ARGLU1: variants seen among roughly 807,000 people sequenced by gnomAD.
ARGLU1 encodes arginine and glutamate-rich protein 1.
A neutral mutation model predicts 37.6 loss-of-function variants in ARGLU1; 9 were observed. The ratio of observed to expected loss-of-function variants is 0.24; its 90% CI spans 0.14 to 0.42. ARGLU1 has a LOEUF of 0.42. Ranked by LOEUF, ARGLU1 falls within the 10% of genes least tolerant of loss-of-function variation. The pLI is 1.00. For synonymous variants in ARGLU1, 166 were observed against 138.5 expected (o/e 1.20, Z -1.39); for missense variants, 211 against 359.2 (o/e 0.59, Z 3.34).
chr13:106,544,222 G>A, intron 3 of ARGLU1, 62 bp from the exon 4 acceptor site: 1 of 1,394,622 alleles, frequency 7.2e-7, no homozygotes, highest in African/African-American at 1.5e-5. Context: ...ATGTACCCCT[G>A]CAACAGGTGT....
chr13:106,544,777 G>GTATA (rs1338014816), intron 3 of ARGLU1, among the ~76,000 whole-genome samples: 1 of 152,042 alleles, frequency 6.6e-6, no homozygotes, highest in Non-Finnish European at 1.5e-5. Flanking sequence ...AAAAAAAAGG[G>GTATA]ACTATATTAT....
chr13:106,559,127 G>A (rs1057177700), intron 2 of ARGLU1: 92 of 1,300,218 alleles, frequency 7.1e-5, no homozygotes, highest in Non-Finnish European at 8.4e-5. Context: ...TCTCCCCACC[G>A]TCCTCCCAAA....
intron 3 of ARGLU1, among the ~76,000 whole-genome samples, chr13:106,556,435 C>A (rs1210237592): frequency 6.6e-6 from 1 of 152,216 alleles, no homozygotes; most frequent in Non-Finnish European, 1.5e-5. Context: ...TTCATCCCTA[C>A]TCTCAATGGG....
At chr13:106,550,710 A>T (rs1047080490) in intron 3 of ARGLU1, among the ~76,000 whole-genome samples, 1 of 152,200 alleles carries the variant, frequency 6.6e-6, no homozygotes, top group African/African-American at 2.4e-5. Flanking sequence ...GTTGGCAGGG[A>T]CACACTTCCT....
intron 1 of ARGLU1, among the ~76,000 whole-genome samples, chr13:106,565,334 A>C (rs1031739226): frequency 2.0e-5 from 3 of 152,086 alleles, no homozygotes; most frequent in African/African-American, 7.2e-5. Flanking sequence ...TCGGGGGAGG[A>C]GGCTCTTTTC....
rs144511239 is a variant in ARGLU1 at position 106,548,841 on chromosome 13, C to T, written c.658-4681G>A. Among the ~76,000 whole-genome samples the T allele has an allele frequency of 6.6e-5, 10 of 152,280 alleles. No homozygotes were observed. In the East Asian group the frequency reaches 1.2e-3, roughly 18 times the overall value. On this transcript the variant is annotated intron_variant, in intron 3 of 3. Transcript: ENST00000400198. ...TTGGCTCACTGCAACCTCCGCCTCC[C>T]GGGTTCATGCGATTCTCCTGCCTCA...
chr13:106,558,687 G>T, intron 2 of ARGLU1: 1 of 985,406 alleles, frequency 1.0e-6, no homozygotes, highest in African/African-American at 1.7e-5. Flanking sequence ...TTCTGCTCCA[G>T]CTGCTGATAA....
rs1438995585 is a variant in ARGLU1, at chr13:106,567,524, C to T, written c.347+49G>A. 9 of 1,363,816 alleles carry T rather than the reference C, an allele frequency of 6.6e-6. No homozygotes were observed. Among genetic ancestry groups the T allele is most frequent in the African/African-American group, 2.9e-5 (2 of 68,912 alleles). 84.5% of individuals were successfully genotyped at this position (1,363,816 alleles called of 1,614,324 possible). A position where few individuals can be genotyped will look rare whatever the true frequency, so the allele number is the denominator to read the frequency against. On this transcript the variant is annotated intron_variant, in intron 1 of 3. Coordinates refer to ENST00000400198, the MANE Select transcript of ARGLU1 (RefSeq NM_018011.4). The surrounding 1 kb of genome is among the most constrained non-coding windows in gnomAD (Gnocchi z 4.3). ...CCGCCCCGGCCCCACGCCCTCGCCC[C>T]GCGCCCTGCTCTCCGCACGCCCCGG...
At chr13:106,564,353 A>G (rs554197731) in intron 1 of ARGLU1, among the ~76,000 whole-genome samples, 3 of 152,344 alleles carry the variant, frequency 2.0e-5, no homozygotes, top group African/African-American at 7.2e-5. Flanking sequence ...CAAGCAAGAC[A>G]GATTATCTCC....
At chr13:106,566,500 T>C (rs1244827894) in intron 1 of ARGLU1, among the ~76,000 whole-genome samples, 2 of 152,210 alleles carry the variant, frequency 1.3e-5, no homozygotes, top group Non-Finnish European at 2.9e-5. Flanking sequence ...GCTGGTTCAA[T>C]AGGGAGTTAG....
At chr13:106,554,690 G>C (rs190133615) in intron 3 of ARGLU1, among the ~76,000 whole-genome samples, 1 of 151,974 alleles carries the variant, frequency 6.6e-6, no homozygotes, top group Non-Finnish European at 1.5e-5. Flanking sequence ...TTTGAGACCA[G>C]CCTGGCCAAC....
intron 1 of ARGLU1, 132 bp from the exon 2 acceptor site, chr13:106,559,789 T>C (rs1210977823): frequency 2.0e-6 from 2 of 977,506 alleles, no homozygotes; most frequent in African/African-American, 1.6e-5. Context: ...TTCATTTCCA[T>C]GTCACATTTG....
In ARGLU1 at chr13:106,567,397, C is replaced by CA. The variant is rs886987641; in HGVS notation, c.347+175dup. On this transcript the variant is annotated intron_variant, in intron 1 of 3. Coordinates refer to ENST00000400198, the MANE Select transcript of ARGLU1 (RefSeq NM_018011.4). This position sits in a 1 kb window ranked among gnomAD's most constrained non-coding sequence, Gnocchi z 4.3. ...TGGGTCTGTCCCACCCCAAGCTTTC[C>CA]AAACGCCAAGCCTGCCCGCCCCGCC... Among the ~76,000 whole-genome samples, 37 of 152,166 alleles carry CA rather than the reference C, an allele frequency of 2.4e-4. No individual in the cohort carries two copies. The highest frequency in any genetic ancestry group is 8.7e-4 in the African/African-American group (36 of 41,548).
At chr13:106,551,632 C>A (rs1880532399) in intron 3 of ARGLU1, among the ~76,000 whole-genome samples, 2 of 152,106 alleles carry the variant, frequency 1.3e-5, no homozygotes, top group Non-Finnish European at 2.9e-5. Context: ...TTCTGGAGGC[C>A]AGGAGTCTGA....
chr13:106,548,230 A>G (rs1007282655), intron 3 of ARGLU1, among the ~76,000 whole-genome samples: 19 of 152,222 alleles, frequency 1.2e-4, no homozygotes, highest in Admixed American at 1.2e-3. Context: ...ATTTTAATAT[A>G]GTCTCTCAAG....
intron 3 of ARGLU1, 56 bp downstream of exon 3, chr13:106,556,991 CG>C: frequency 6.8e-7 from 1 of 1,478,820 alleles, no homozygotes; most frequent in Non-Finnish European, 9.4e-7. Flanking sequence ...CCACAAAATC[CG>C]AAAAAAGGAA....
chr13:106,561,454 C>CACACAT (rs1254953467), intron 1 of ARGLU1, among the ~76,000 whole-genome samples: 2 of 149,952 alleles, frequency 1.3e-5, no homozygotes, highest in African/African-American at 4.9e-5. Flanking sequence ...CACACACACA[C>CACACAT]ACACACACTT....
chr13:106,567,172 C>T lies in ARGLU1; in HGVS notation c.347+401G>A, dbSNP rs1271291467. ...AAGGTTAATTCCCTTCTCTCTCCTCCTCAAGCCGACCAGCAAACGCTCACC... is the reference window on the plus strand; with the variant it reads ...AAGGTTAATTCCCTTCTCTCTCCTCTTCAAGCCGACCAGCAAACGCTCACC... On this transcript the variant is annotated intron_variant, in intron 1 of 3. Coordinates refer to ENST00000400198, the MANE Select transcript of ARGLU1 (RefSeq NM_018011.4). The surrounding 1 kb of genome is among the most constrained non-coding windows in gnomAD (Gnocchi z 4.3). Among the ~76,000 whole-genome samples, 1 of 152,094 alleles carries T rather than the reference C, an allele frequency of 6.6e-6. No homozygotes were observed. Among genetic ancestry groups the T allele is most frequent in the Non-Finnish European group, 1.5e-5 (1 of 68,018 alleles).
At chr13:106,559,683 G>A in intron 1 of ARGLU1, 26 bp from the exon 2 acceptor site, 2 of 1,592,724 alleles carry the variant, frequency 1.3e-6, no homozygotes, top group Non-Finnish European at 1.7e-6. Flanking sequence ...AAAAAAACAA[G>A]TTAGGTATTT....
Sources: allele counts gnomAD v4.1 joint callset (sites outside exome capture counted in the v4.1 genomes callset), GRCh38; gene constraint gnomAD v4.1.1; non-coding constraint Gnocchi (gnomAD v3.1); transcripts MANE v1.5; gene names NCBI Gene and HGNC (gene_info 2026-07-23, HGNC 2026-07-21).